Variants in HACE1 observed in about 807,000 individuals in gnomAD.
HACE1 encodes the protein E3 ubiquitin-protein ligase HACE1.
Under a neutral mutation model 118.4 loss-of-function variants are expected in HACE1, and 73 were observed. That is an observed-to-expected ratio of 0.62 (90% CI 0.51 to 0.75). HACE1 has a LOEUF of 0.75. HACE1 is among the 30% of genes least tolerant of loss of function. The probability of loss-of-function intolerance (pLI) is 0.00; values close to 1 mark genes in which losing one functional copy is unlikely to be tolerated. For synonymous variants in HACE1, 368 were observed against 374.8 expected, an observed-to-expected ratio of 0.98 and a Z score of 0.21; for missense variants, 749 against 1,102.2, an observed-to-expected ratio of 0.68 and a Z score of 4.54.
rs1448085990 is a variant in HACE1 at position 104,768,645 on chromosome 6, AT to A, written c.2211+2547del. 4.6e-5 allele frequency among the ~76,000 whole-genome samples: 7 copies of A among 152,264 alleles called. 1 individual carries two copies. The highest frequency in any genetic ancestry group is 1.4e-4 in the African/African-American group (6 of 41,594). ...TGTGAGAAATGTTTATATAAAAAAA[AT>A]GAAAGCTGAGAATGTATAACATTAA... is the stretch of plus-strand genomic sequence containing the variant. On this transcript the variant is annotated intron_variant, in intron 19 of 23. Coordinates refer to ENST00000262903, the MANE Select transcript of HACE1 (RefSeq NM_020771.4).
chr6:104,842,628 C>T (rs568889764), intron 5 of HACE1, among the ~76,000 whole-genome samples: 1 of 152,090 alleles, frequency 6.6e-6, no homozygotes, highest in African/African-American at 2.4e-5. Flanking sequence ...GAACACATAA[C>T]ACACCTCAGC....
At position 104,791,547 on chromosome 6, in the gene HACE1, A is replaced by C; in HGVS notation, c.1031T>G (p.Met344Arg). The change falls in exon 11 of 24, where the codon ATG (methionine) becomes AGG (arginine). Residue 344 changes from methionine to arginine, a missense_variant. By Grantham distance (91) the Met-to-Arg change is moderately conservative. Coordinates refer to ENST00000262903, the MANE Select transcript of HACE1 (RefSeq NM_020771.4). ...GPSSPSNGID[M>R]GYNGNKTPRS... ...TGGAGTTTTATTCCCATTGTAGCCC[A>C]TATCAATTCCATTACTGGGGGAGGA... The C allele has an allele frequency of 2.5e-6, 4 of 1,613,208 alleles. No homozygotes were observed. Among genetic ancestry groups the C allele is most frequent in the Non-Finnish European group, 3.4e-6 (4 of 1,179,224 alleles).
intron 5 of HACE1, among the ~76,000 whole-genome samples, chr6:104,836,186 G>A (rs1377067940): frequency 2.6e-5 from 4 of 152,136 alleles, no homozygotes; most frequent in Admixed American, 1.3e-4. Flanking sequence ...CCAAACAACT[G>A]TGCAGCAGAC....
chr6:104,836,483 C>A (rs564338291), intron 5 of HACE1, among the ~76,000 whole-genome samples: 1 of 152,066 alleles, frequency 6.6e-6, no homozygotes, highest in Admixed American at 6.6e-5. Flanking sequence ...GAGGCCGAGG[C>A]GGGTGAATCA....
intron 3 of HACE1, among the ~76,000 whole-genome samples, chr6:104,849,849 A>C (rs1361416238): frequency 1.4e-5 from 2 of 147,842 alleles, no homozygotes; most frequent in African/African-American, 2.5e-5. Flanking sequence ...ACGGGGTTTC[A>C]CCATGTTAGC....
intron 3 of HACE1, among the ~76,000 whole-genome samples, chr6:104,850,335 T>C (rs1375598303): frequency 6.6e-6 from 1 of 152,206 alleles, no homozygotes; most frequent in Non-Finnish European, 1.5e-5. Flanking sequence ...TGGTCCATTC[T>C]ACTATGAAAA....
chr6:104,804,730 T>C (rs911136345), intron 7 of HACE1, among the ~76,000 whole-genome samples: 2 of 152,090 alleles, frequency 1.3e-5, no homozygotes, highest in Admixed American at 6.6e-5. Flanking sequence ...AAAACTTAAA[T>C]GTAAGACCTA....
At chr6:104,847,838 G>A (rs1289558375) in intron 4 of HACE1, among the ~76,000 whole-genome samples, 1 of 151,796 alleles carries the variant, frequency 6.6e-6, no homozygotes, top group African/African-American at 2.4e-5. Context: ...GATGTTTTGA[G>A]ACAGAGTTTC....
intron 11 of HACE1, among the ~76,000 whole-genome samples, chr6:104,790,107 C>A (rs1782864742): frequency 6.7e-6 from 1 of 149,258 alleles, no homozygotes; most frequent in Admixed American, 6.7e-5. Flanking sequence ...ACTCAACGTG[C>A]ACACACACAC....
intron 7 of HACE1, among the ~76,000 whole-genome samples, chr6:104,798,347 A>G (rs1769919546): frequency 6.6e-6 from 1 of 152,150 alleles, no homozygotes; most frequent in African/African-American, 2.4e-5. Flanking sequence ...CTCTTTCACA[A>G]AACGGCACTG....
In HACE1 at chr6:104,761,845, T is replaced by C. The variant is rs190469748; in HGVS notation, c.2211+9348A>G. On this transcript the variant is annotated intron_variant, in intron 19 of 23. Transcript: ENST00000262903. ...AGAATCTACAAAGAACTTAAACAAA[T>C]TTACAAGAAAAAAACAAACAACCCC... Among the ~76,000 whole-genome samples the C allele has an allele frequency of 1.4e-3, 219 of 151,662 alleles. 2 individuals carry two copies. In the Middle Eastern group the frequency reaches 0.027, roughly 19 times the overall value.
chr6:104,742,607 A>G (rs1357713878), intron 22 of HACE1, among the ~76,000 whole-genome samples: 5 of 151,582 alleles, frequency 3.3e-5, no homozygotes, highest in South Asian at 2.1e-4. Context: ...CAAAACCACA[A>G]TGAGATACCG....
chr6:104,858,475 G>A (rs748697342), intron 1 of HACE1: 13 of 398,582 alleles, frequency 3.3e-5, no homozygotes, highest in East Asian at 1.0e-4. Flanking sequence ...AGCAGGGTGC[G>A]GATCACTTGA....
At chr6:104,793,199 G>T (rs912171034) in intron 10 of HACE1, among the ~76,000 whole-genome samples, 2 of 151,274 alleles carry the variant, frequency 1.3e-5, no homozygotes, top group Admixed American at 1.3e-4. Context: ...CCCGGGAGGT[G>T]GAGCTCGCAG....
At chr6:104,791,800 T>C (rs945160629) in intron 10 of HACE1, 146 bp from the exon 11 acceptor site, 6 of 612,338 alleles carry the variant, frequency 9.8e-6, no homozygotes, top group African/African-American at 7.4e-5. Context: ...TGATAGGAGA[T>C]AGAACAGTTT....
chr6:104,730,355 T>C lies in HACE1; in HGVS notation c.2575A>G (p.Thr859Ala). 1 of 1,604,576 alleles carries C rather than the reference T, an allele frequency of 6.2e-7. No homozygotes were observed. The highest frequency in any genetic ancestry group is 8.5e-7 in the Non-Finnish European group (1 of 1,171,274). Residue 859 changes from threonine to alanine, a missense_variant, in exon 23 of 24, where the codon ACA becomes GCA. Thr to Ala is a moderately conservative substitution (Grantham distance 58, BLOSUM62 0). Transcript: ENST00000262903. ...GGAGTATATGGCACAGCAGCGATTG[T>C]AAAGTTTTGCAATCCACTTCCACCC... is the stretch of plus-strand genomic sequence containing the variant. ...IMGGSGLQNF[T>A]IAAVPYTPNL... is the part of the protein sequence containing the mutation.
intron 19 of HACE1, among the ~76,000 whole-genome samples, chr6:104,751,839 T>C (rs1332555561): frequency 6.6e-6 from 1 of 151,318 alleles, no homozygotes; most frequent in Non-Finnish European, 1.5e-5. Context: ...TCCTACCTAC[T>C]AGGAATTAAT....
At chr6:104,733,660 C>T (rs1320593456) in intron 22 of HACE1, among the ~76,000 whole-genome samples, 2 of 151,564 alleles carry the variant, frequency 1.3e-5, no homozygotes, top group Admixed American at 6.6e-5. Flanking sequence ...ACCAGACTGG[C>T]CAACATGGTG....
intron 19 of HACE1, among the ~76,000 whole-genome samples, chr6:104,760,779 A>G (rs1269864882): frequency 6.6e-6 from 1 of 152,190 alleles, no homozygotes; most frequent in Non-Finnish European, 1.5e-5. Flanking sequence ...AGATGGCATG[A>G]TTGTGTATTT....
Sources: gnomAD v4.1 joint callset for allele counts (sites outside exome capture counted in the v4.1 genomes callset) on GRCh38, gnomAD v4.1.1 for gene constraint, MANE v1.5 for transcripts, NCBI Gene and HGNC (gene_info 2026-07-23, HGNC 2026-07-21) for gene names.